SLIT2: variants seen among roughly 807,000 people sequenced by gnomAD.
SLIT2 encodes the protein slit guidance ligand 2, also known as slit homolog 2 protein.
SLIT2 carries 41 observed loss-of-function variants against 185.7 expected under a neutral mutation model. That is an observed-to-expected ratio of 0.22 (90% CI 0.17 to 0.29). The LOEUF is 0.29. Ranked by LOEUF, SLIT2 falls within the 10% of genes least tolerant of loss-of-function variation. The pLI is 1.00. For missense variants in SLIT2, 1,571 were observed against 1,909.0 expected (o/e 0.82, Z 3.30); for synonymous variants, 693 against 680.2 (o/e 1.02, Z -0.29).
chr4:20,438,399 A>C (rs1017637561), intron 4 of SLIT2, among the ~76,000 whole-genome samples: 16 of 152,196 alleles, frequency 1.1e-4, no homozygotes, highest in African/African-American at 3.9e-4. Context: ...GGCCACAGGC[A>C]AAGAGAGAGT....
intron 29 of SLIT2, among the ~76,000 whole-genome samples, chr4:20,577,063 T>C (rs1726138924): frequency 6.6e-6 from 1 of 152,002 alleles, no homozygotes; most frequent in Non-Finnish European, 1.5e-5. Context: ...TTGAAAGTGA[T>C]ACAAAAATCC....
At chr4:20,378,646 GTAACTGGAAGGT>G (rs1222472358) in intron 4 of SLIT2, among the ~76,000 whole-genome samples, 1 of 152,098 alleles carries the variant, frequency 6.6e-6, no homozygotes, top group Non-Finnish European at 1.5e-5. Flanking sequence ...TGTATTTTCA[GTAACTGGAAGGT>G]TAATCTAAAT....
Position 20,553,846 on chromosome 4 carries a change from A to C in SLIT2, c.2603A>C (p.Gln868Pro). 1 of 1,603,990 alleles carries C rather than the reference A, an allele frequency of 6.2e-7. No homozygotes were observed. Among genetic ancestry groups the C allele is most frequent in the Non-Finnish European group, 8.5e-7 (1 of 1,177,334 alleles). ...ANPLYCDCNMQWLSDWVKSEY... is the reference protein window; with the variant it reads ...ANPLYCDCNMPWLSDWVKSEY... ...CCTCTTTACTGTGATTGTAACATGC[A>C]GTGGTTATCCGACTGGGTGAAGTCG... The change falls in exon 26 of 37, where the codon CAG becomes CCG. Residue 868 changes from glutamine (Q) to proline (P), a missense_variant. Around this residue, in one of 3 missense-constraint regions of SLIT2, gnomAD observed 1,202 missense variants for 1,416.4 expected, o/e 0.85. Transcript: ENST00000504154.
Position 20,619,071 on chromosome 4 carries a change from A to G in SLIT2, c.*62A>G. The G allele has an allele frequency of 6.7e-7, 1 of 1,485,828 alleles. No homozygotes were observed. The highest frequency in any genetic ancestry group is 1.8e-5 in the Admixed American group (1 of 56,486). The allele number at this position is 1,485,828 out of a possible 1,614,324, so 92.0% of individuals were successfully genotyped here. A position where few individuals can be genotyped will look rare whatever the true frequency, so the allele number is the denominator to read the frequency against. ...TATACTTCTTGACCGTGTGGGACTAATGAATGCTTCATAGTGGAAATATTT... is the reference window on the plus strand; with the variant it reads ...TATACTTCTTGACCGTGTGGGACTAGTGAATGCTTCATAGTGGAAATATTT... On this transcript the variant is annotated 3_prime_UTR_variant, in exon 37 of 37. Transcript: ENST00000504154.
chr4:20,438,862 A>G (rs771914050), intron 4 of SLIT2, among the ~76,000 whole-genome samples: 1 of 152,184 alleles, frequency 6.6e-6, no homozygotes, highest in Non-Finnish European at 1.5e-5. Context: ...GTCATTTTCC[A>G]GATGTCATCA....
chr4:20,533,484 G>A, intron 17 of SLIT2, 88 bp from the exon 18 acceptor site: 1 of 1,010,462 alleles, frequency 9.9e-7, no homozygotes, highest in Non-Finnish European at 1.5e-6. Flanking sequence ...GGAAAACTTG[G>A]ATCATTAGAA....
At chr4:20,527,362 T>C (rs1278130260) in intron 15 of SLIT2, among the ~76,000 whole-genome samples, 1 of 152,050 alleles carries the variant, frequency 6.6e-6, no homozygotes, top group Non-Finnish European at 1.5e-5. Context: ...CTCGGCTCAC[T>C]GCAAGTTCCG....
At chr4:20,292,213 T>C (rs1716022764) in intron 4 of SLIT2, among the ~76,000 whole-genome samples, 1 of 152,164 alleles carries the variant, frequency 6.6e-6, no homozygotes, top group Non-Finnish European at 1.5e-5. Flanking sequence ...ATGTCTGCTC[T>C]GCCTCTGGGA....
At chr4:20,520,239 C>T (rs1450550855) in intron 12 of SLIT2, among the ~76,000 whole-genome samples, 1 of 152,040 alleles carries the variant, frequency 6.6e-6, no homozygotes, top group Non-Finnish European at 1.5e-5. Flanking sequence ...ATAGATACTA[C>T]TCATTTGTCT....
chr4:20,417,919 G>A (rs914625769), intron 4 of SLIT2, among the ~76,000 whole-genome samples: 4 of 152,012 alleles, frequency 2.6e-5, no homozygotes, highest in African/African-American at 9.7e-5. Context: ...ATCCTAAATG[G>A]CATATGTGTT....
At chr4:20,360,955 G>A (rs1389828501) in intron 4 of SLIT2, among the ~76,000 whole-genome samples, 1 of 152,074 alleles carries the variant, frequency 6.6e-6, no homozygotes, top group African/African-American at 2.4e-5. Context: ...ACAAATTGAG[G>A]GGGAGAAATG....
At chr4:20,311,208 C>A (rs917491947) in intron 4 of SLIT2, among the ~76,000 whole-genome samples, 1 of 152,106 alleles carries the variant, frequency 6.6e-6, no homozygotes, top group East Asian at 1.9e-4. Flanking sequence ...TATTTTATAC[C>A]AAAATAATTT....
rs865864725 is a variant in SLIT2 at position 20,251,997 on chromosome 4, G to A, written c.-1819G>A. The stretch of plus-strand genomic sequence containing the variant: ...CGCAGACTGTGGTTAAAAAAAAGAA[G>A]GCGGCGGCGGCGGCGGCGGCGGAGG... On this transcript the variant is annotated 5_prime_UTR_variant, in exon 1 of 37. Transcript: ENST00000504154. Among the ~76,000 whole-genome samples the A allele has an allele frequency of 3.9e-3, 584 of 150,402 alleles. 9 individuals carry two copies. Among genetic ancestry groups the A allele is most frequent in the African/African-American group, 0.014 (561 of 40,798 alleles).
In SLIT2 at chr4:20,472,354, ATATC is replaced by A. The variant is rs1283517519; in HGVS notation, c.467+4535_467+4538del. 4.5e-4 allele frequency among the ~76,000 whole-genome samples: 13 copies of A among 28,626 alleles called. 1 individual carries two copies. In the South Asian group the frequency reaches 8.0e-3, roughly 18 times the overall value. 18.8% of individuals were successfully genotyped at this position (28,626 alleles called of 152,430 possible). On this transcript the variant is annotated intron_variant, in intron 5 of 36. Coordinates refer to ENST00000504154, the MANE Select transcript of SLIT2 (RefSeq NM_004787.4). ...TATATAGATCTATATATAGATATAG[ATATC>A]TATATAGATATCTATATCTATATAT...
intron 4 of SLIT2, among the ~76,000 whole-genome samples, chr4:20,458,202 G>A (rs1713305736): frequency 6.6e-6 from 1 of 152,058 alleles, no homozygotes; most frequent in Non-Finnish European, 1.5e-5. Flanking sequence ...TTCAAAGTGG[G>A]TGAAATGGTA....
At chr4:20,591,053 C>T (rs1313902785) in intron 30 of SLIT2, among the ~76,000 whole-genome samples, 1 of 152,152 alleles carries the variant, frequency 6.6e-6, no homozygotes, top group Non-Finnish European at 1.5e-5. Flanking sequence ...TAGCAAATAG[C>T]ATTATCTGTT....
intron 29 of SLIT2, among the ~76,000 whole-genome samples, chr4:20,570,731 G>GTATATATATATATATATATATATATA (rs55841917): frequency 7.2e-5 from 9 of 125,548 alleles, no homozygotes; most frequent in African/African-American, 1.8e-4. Flanking sequence ...ATATATATAT[G>GTATATATATATATATATATATATATA]TATATATATA....
At chr4:20,399,516 C>A (rs1039854876) in intron 4 of SLIT2, among the ~76,000 whole-genome samples, 6 of 151,606 alleles carry the variant, frequency 4.0e-5, no homozygotes, top group Admixed American at 6.6e-5. Context: ...GTAAAGTGAT[C>A]GGAATAATAA....
intron 4 of SLIT2, among the ~76,000 whole-genome samples, chr4:20,457,469 C>T (rs935590688): frequency 1.3e-5 from 2 of 151,690 alleles, no homozygotes; most frequent in Admixed American, 6.6e-5. Flanking sequence ...ATGTGCAAAC[C>T]CTTGGCAAGA....
Sources: allele counts gnomAD v4.1 joint callset (sites outside exome capture counted in the v4.1 genomes callset), GRCh38; gene constraint gnomAD v4.1.1; regional missense constraint gnomAD v4.1.1; transcripts MANE v1.5; gene names NCBI Gene and HGNC (gene_info 2026-07-23, HGNC 2026-07-21).